Variants in SPTAN1 observed in about 807,000 individuals in gnomAD.
SPTAN1 encodes the protein spectrin alpha chain, non-erythrocytic 1.
SPTAN1 carries 61 observed loss-of-function variants against 331.3 expected under a neutral mutation model. The ratio of observed to expected loss-of-function variants is 0.18; its 90% CI spans 0.15 to 0.23. SPTAN1 has a LOEUF of 0.23. Ranked by LOEUF, SPTAN1 falls within the 10% of genes least tolerant of loss-of-function variation. The probability of loss-of-function intolerance (pLI) is 1.00; values close to 1 mark genes in which losing one functional copy is unlikely to be tolerated. For synonymous variants in SPTAN1, 1,153 were observed against 1,173.9 expected, an observed-to-expected ratio of 0.98 and a Z score of 0.36; for missense variants, 2,043 against 3,147.9, an observed-to-expected ratio of 0.65 and a Z score of 8.40.
At chr9:128,587,511 A>T in intron 19 of SPTAN1, 95 bp from the exon 20 acceptor site, 1 of 950,438 alleles carries the variant, frequency 1.1e-6, no homozygotes, top group South Asian at 1.3e-5. Flanking sequence ...TGCAACTGAG[A>T]AAGGCTGTTG....
intron 44 of SPTAN1, 137 bp downstream of exon 44, chr9:128,619,140 T>C (rs1857541872): frequency 7.6e-7 from 1 of 1,321,494 alleles, no homozygotes; most frequent in African/African-American, 1.5e-5. Context: ...GCCTCAGTAG[T>C]TGGTTTTAGC....
intron 12 of SPTAN1, 68 bp from the exon 13 acceptor site, chr9:128,582,411 C>T (rs1413945633): frequency 2.0e-5 from 29 of 1,423,168 alleles, no homozygotes; most frequent in African/African-American, 4.2e-5. Flanking sequence ...TCAGCAGTTA[C>T]TTTTCTCCAG....
At chr9:128,604,299 T>C (rs1480534331) in intron 28 of SPTAN1, 27 bp from the exon 29 acceptor site, 4 of 1,611,178 alleles carry the variant, frequency 2.5e-6, no homozygotes, top group African/African-American at 1.3e-5. Context: ...GGGAGTGCAG[T>C]GGAGCTGATG....
intron 1 of SPTAN1, among the ~76,000 whole-genome samples, chr9:128,565,819 T>A (rs1361901274): frequency 6.6e-6 from 1 of 152,226 alleles, no homozygotes; most frequent in Non-Finnish European, 1.5e-5. Context: ...ACCAGCAGGC[T>A]TATCTGTTCT....
chr9:128,577,509 G>A lies in SPTAN1; in HGVS notation c.1085+3G>A, dbSNP rs1420995845. 6.8e-6 allele frequency: 11 copies of A among 1,613,502 alleles called. No homozygotes were observed. The highest frequency in any genetic ancestry group is 9.3e-6 in the Non-Finnish European group (11 of 1,180,038). On this transcript the variant is annotated splice_donor_region_variant and intron_variant, in intron 8 of 56. Coordinates refer to ENST00000372739, the MANE Select transcript of SPTAN1 (RefSeq NM_001130438.3). The surrounding 1 kb of genome is among the most constrained non-coding windows in gnomAD (Gnocchi z 4.2). ...GCACGGCTCAATGATTCATACAGGT[G>A]CAAATAATGCTCCAGGTCTTAACCA... is the stretch of plus-strand genomic sequence containing the variant.
rs568373026 is a variant in SPTAN1 at position 128,617,949 on chromosome 9, A to C, written c.5479-38A>C. 255 of 1,614,108 alleles carry C rather than the reference A, an allele frequency of 1.6e-4. 1 individual carries two copies. Among genetic ancestry groups the C allele is most frequent in the Non-Finnish European group, 1.9e-4 (229 of 1,180,016 alleles). On this transcript the variant is annotated intron_variant, in intron 42 of 56. Coordinates refer to ENST00000372739, the MANE Select transcript of SPTAN1 (RefSeq NM_001130438.3). Reference sequence around the variant, plus strand: ...AGCTTCGAGACAGAAGCACCAGAAGAGCTACCTGCTGTTAACCTCCTCGTC... The same window carrying C: ...AGCTTCGAGACAGAAGCACCAGAAGCGCTACCTGCTGTTAACCTCCTCGTC...
chr9:128,598,795 G>T (rs1327896506), intron 25 of SPTAN1, 168 bp from the exon 26 acceptor site: 3 of 686,976 alleles, frequency 4.4e-6, no homozygotes, highest in Admixed American at 5.2e-5. Context: ...GTTCCTCAAA[G>T]AAAAAGTTTA....
At chr9:128,600,197 GAAT>G (rs1854923944) in intron 27 of SPTAN1, 82 bp downstream of exon 27, 1 of 1,458,036 alleles carries the variant, frequency 6.9e-7, no homozygotes, top group Non-Finnish European at 9.6e-7. Flanking sequence ...GCCTTTCTCT[GAAT>G]ATTCAGCTTA....
At chr9:128,596,910 A>G (rs747955504) in intron 24 of SPTAN1, among the ~76,000 whole-genome samples, 63 of 152,200 alleles carry the variant, frequency 4.1e-4, no homozygotes, top group Admixed American at 6.5e-4. Flanking sequence ...CTGTAATCCC[A>G]GCACTTTGGG....
At position 128,613,504 on chromosome 9, in the gene SPTAN1, GC is replaced by G. The variant is rs767551759; in HGVS notation, c.5148+21del. The G allele has an allele frequency of 1.2e-6, 2 of 1,607,388 alleles. No individual in the cohort carries two copies. The highest frequency in any genetic ancestry group is 4.5e-5 in the East Asian group (2 of 44,852). On this transcript the variant is annotated intron_variant, in intron 40 of 56. Transcript: ENST00000372739. ...CCATGAGGTAAGCAAAGGGAGGCGG[GC>G]CAGGCCCGAGTGCCTGGGACACAGC... is the stretch of plus-strand genomic sequence containing the variant.
At position 128,633,417 on chromosome 9, in the gene SPTAN1, C is replaced by T; in HGVS notation, c.*83C>T. On this transcript the variant is annotated 3_prime_UTR_variant, in exon 57 of 57. Transcript: ENST00000372739. The stretch of plus-strand genomic sequence containing the variant: ...CCGCTCCTCTGTGTGCTCTCACTTT[C>T]CACTGTAACCTTAAGCCTGCTTAGC... The T allele has an allele frequency of 1.3e-6, 2 of 1,599,786 alleles. No individual in the cohort carries two copies. Among genetic ancestry groups the T allele is most frequent in the Non-Finnish European group, 1.7e-6 (2 of 1,172,358 alleles).
Position 128,615,757 on chromosome 9 carries a change from G to A in SPTAN1, c.5274G>A (p.Ala1758=), listed in dbSNP as rs775305903. Residue 1758 remains alanine (A), a synonymous_variant, in exon 41 of 57, where the codon GCG becomes GCA. Coordinates refer to ENST00000372739, the MANE Select transcript of SPTAN1 (RefSeq NM_001130438.3). ...NGRFQKIKSM[A]ASRRAKLNES... ...GCTTCCAGAAGATCAAGAGCATGGC[G>A]GCCTCCCGGCGAGCCAAGCTGAATG... is the stretch of plus-strand genomic sequence containing the variant. 57 of 1,614,112 alleles carry A rather than the reference G, an allele frequency of 3.5e-5. No homozygotes were observed. Among genetic ancestry groups the A allele is most frequent in the Non-Finnish European group, 4.7e-5 (56 of 1,180,060 alleles).
chr9:128,594,273 A>G lies in SPTAN1; in HGVS notation c.3314A>G (p.Gln1105Arg). ...TTCCGTGAAGCGAATGAACTACAGC[A>G]ATGGATCAATGAGAAGGAAGCCGCT... ...MLFREANELQ[Q>R]WINEKEAALT... The change falls in exon 24 of 57, where the codon CAA becomes CGA. Residue 1105 changes from glutamine to arginine, a missense_variant. Coordinates refer to ENST00000372739, the MANE Select transcript of SPTAN1 (RefSeq NM_001130438.3). The G allele has an allele frequency of 6.2e-7, 1 of 1,614,132 alleles. No individual in the cohort carries two copies. The highest frequency in any genetic ancestry group is 8.5e-7 in the Non-Finnish European group (1 of 1,180,034).
At chr9:128,559,630 G>GT (rs1849055313) in intron 1 of SPTAN1, among the ~76,000 whole-genome samples, 1 of 151,906 alleles carries the variant, frequency 6.6e-6, no homozygotes, top group South Asian at 2.1e-4. Flanking sequence ...ATTTCTCAAT[G>GT]TTTTTCCATC....
chr9:128,632,367 G>A (rs750076377), intron 53 of SPTAN1, 44 bp downstream of exon 53: 1 of 1,613,566 alleles, frequency 6.2e-7, no homozygotes, highest in East Asian at 2.2e-5. Context: ...AGAGCAGGGG[G>A]AGGAAAAGAC....
chr9:128,633,150 G>A, intron 56 of SPTAN1, 59 bp from the exon 57 acceptor site: 1 of 1,612,436 alleles, frequency 6.2e-7, no homozygotes, highest in Non-Finnish European at 8.5e-7. Flanking sequence ...GACCTGGGAG[G>A]TCGGGTTTGA....
At chr9:128,584,681 C>A in intron 17 of SPTAN1, 40 bp from the exon 18 acceptor site, 1 of 1,614,206 alleles carries the variant, frequency 6.2e-7, no homozygotes, top group Non-Finnish European at 8.5e-7. Flanking sequence ...TGACTTTTCT[C>A]TTCATGGTTG....
At chr9:128,555,526 G>A (rs2132643337) in intron 1 of SPTAN1, 11 of 615,738 alleles carry the variant, frequency 1.8e-5, no homozygotes, top group Middle Eastern at 3.2e-4. Context: ...CCTGCATGAC[G>A]TTTCTGTTAA....
At chr9:128,559,227 C>T in intron 1 of SPTAN1, among the ~76,000 whole-genome samples, 1 of 152,150 alleles carries the variant, frequency 6.6e-6, no homozygotes, top group East Asian at 1.9e-4. Flanking sequence ...ACTCGTTCTA[C>T]TTCACTGGGG....
Sources: gnomAD v4.1 joint callset for allele counts (sites outside exome capture counted in the v4.1 genomes callset) on GRCh38, gnomAD v4.1.1 for gene constraint, Gnocchi (gnomAD v3.1) non-coding constraint, MANE v1.5 for transcripts, NCBI Gene and HGNC (gene_info 2026-07-23, HGNC 2026-07-21) for gene names.